The following TLL2 variants were observed in gnomAD, a reference collection of about 807,000 sequenced individuals.
The protein encoded by TLL2 is tolloid like 2, also known as tolloid-like protein 2.
Under a neutral mutation model 123.0 loss-of-function variants are expected in TLL2, and 106 were observed. The observed-to-expected ratio is 0.86, with a 90% confidence interval of 0.74 to 1.01. TLL2 has a LOEUF of 1.01. TLL2 is among the 50% of genes least tolerant of loss of function. TLL2 has a pLI of 0.00. For synonymous variants in TLL2, 494 were observed against 516.8 expected, an observed-to-expected ratio of 0.96 and a Z score of 0.60; for missense variants, 1,332 against 1,336.7, an observed-to-expected ratio of 1.00 and a Z score of 0.06.
At chr10:96,454,038 T>C (rs563371199) in intron 2 of TLL2, among the ~76,000 whole-genome samples, 200 of 122,176 alleles carry the variant, frequency 1.6e-3, no homozygotes, top group African/African-American at 4.1e-3. Context: ...CACACACACA[T>C]ATACACACAG....
chr10:96,395,134 G>A (rs1035118339), intron 13 of TLL2, 53 bp downstream of exon 13: 1 of 1,526,904 alleles, frequency 6.5e-7, no homozygotes, highest in African/African-American at 1.4e-5. Context: ...TAGGCCAGGG[G>A]GAGCAATATT....
At chr10:96,438,412 A>G (rs142839720) in intron 3 of TLL2, among the ~76,000 whole-genome samples, 1,540 of 152,276 alleles carry the variant, frequency 0.01, 12 homozygotes, top group Non-Finnish European at 0.016. Context: ...TGGTTTCTGT[A>G]TGTTCATTGT....
At chr10:96,478,543 C>T (rs911614144) in intron 2 of TLL2, among the ~76,000 whole-genome samples, 1 of 152,236 alleles carries the variant, frequency 6.6e-6, no homozygotes, top group African/African-American at 2.4e-5. Flanking sequence ...AGAATGACTG[C>T]AGCAGCTTTA....
chr10:96,481,147 AT>A (rs34296985), intron 1 of TLL2, among the ~76,000 whole-genome samples: 55,176 of 133,374 alleles, frequency 0.41, 10,282 homozygotes, highest in Middle Eastern at 0.55. Context: ...TGGGGGATGG[AT>A]TTTTTTTTTT....
chr10:96,502,099 T>G (rs1371218823), intron 1 of TLL2, among the ~76,000 whole-genome samples: 1 of 152,086 alleles, frequency 6.6e-6, no homozygotes, highest in Non-Finnish European at 1.5e-5. Flanking sequence ...AAATGACATG[T>G]AAGCTGAGTC....
At chr10:96,453,375 G>C (rs1341530364) in intron 2 of TLL2, among the ~76,000 whole-genome samples, 1 of 152,146 alleles carries the variant, frequency 6.6e-6, no homozygotes, top group African/African-American at 2.4e-5. Context: ...AGAAACATTT[G>C]AGCCCAGGAG....
Position 96,513,624 on chromosome 10 carries a change from CGAGGCA to C in TLL2, c.56_61del (p.Leu19_Pro20del). ...GCGCTCCCCGAGTCCCCCGGCGCCG[CGAGGCA>C]GCGGCAGCAGCAGCAGCAGTGACAC... On this transcript the variant is annotated inframe_deletion, in exon 1 of 21. Coordinates refer to ENST00000357947, the MANE Select transcript of TLL2 (RefSeq NM_012465.4). The C allele has an allele frequency of 6.2e-7, 1 of 1,600,414 alleles. No homozygotes were observed. The highest frequency in any genetic ancestry group is 8.5e-7 in the Non-Finnish European group (1 of 1,178,042).
Position 96,394,732 on chromosome 10 carries a change from A to G in TLL2, c.1726+455T>C, listed in dbSNP as rs565550872. 2.0e-4 allele frequency among the ~76,000 whole-genome samples: 30 copies of G among 152,194 alleles called. 1 individual carries two copies. The highest frequency in any genetic ancestry group is 4.1e-4 in the Non-Finnish European group (28 of 68,024). Reference sequence around the variant, plus strand: ...GACTGAATTAGATCCCCGATCTGCCACTTAACTACCTGCATGATCCTGAGA... The same window carrying G: ...GACTGAATTAGATCCCCGATCTGCCGCTTAACTACCTGCATGATCCTGAGA... On this transcript the variant is annotated intron_variant, in intron 13 of 20. Transcript: ENST00000357947.
At chr10:96,377,496 T>C (rs1020032445) in intron 17 of TLL2, among the ~76,000 whole-genome samples, 1 of 152,238 alleles carries the variant, frequency 6.6e-6, no homozygotes, top group Non-Finnish European at 1.5e-5. Context: ...GCATTTTCCA[T>C]GCATCCTCTC....
chr10:96,435,035 CTT>C (rs34593980), intron 3 of TLL2, among the ~76,000 whole-genome samples: 7 of 130,408 alleles, frequency 5.4e-5, no homozygotes, highest in Admixed American at 2.3e-4. Context: ...TTTTTTTTTT[CTT>C]TTTTTTTTTT....
rs1300003966 is a variant in TLL2 at position 96,384,696 on chromosome 10, G to A, written c.2085C>T (p.Cys695=). 1.9e-6 allele frequency: 3 copies of A among 1,612,586 alleles called. No individual in the cohort carries two copies. The highest frequency in any genetic ancestry group is 2.5e-6 in the Non-Finnish European group (3 of 1,179,000). ...SPDAKLHGRF[C]GSETPEVITS... ...TGATGACCTCCGGCGTCTCAGAGCC[G>A]CAGAACCTGCCGTGCAGCTTGGCGT... Residue 695 remains cysteine, a synonymous_variant, in exon 16 of 21, where the codon TGC becomes TGT. Transcript: ENST00000357947.
chr10:96,456,892 T>G (rs1847021781), intron 2 of TLL2, among the ~76,000 whole-genome samples: 1 of 152,152 alleles, frequency 6.6e-6, no homozygotes, highest in African/African-American at 2.4e-5. Flanking sequence ...GGGAGCTTGC[T>G]GGAGGCAGCA....
At chr10:96,370,371 G>A in intron 19 of TLL2, 56 bp from the exon 20 acceptor site, 1 of 1,495,694 alleles carries the variant, frequency 6.7e-7, no homozygotes, top group Admixed American at 2.2e-5. Context: ...CGTGCCTCCC[G>A]CCTGCGTCTG....
intron 4 of TLL2, among the ~76,000 whole-genome samples, chr10:96,431,972 C>G (rs1751526953): frequency 6.6e-6 from 1 of 151,936 alleles, no homozygotes; most frequent in South Asian, 2.1e-4. Flanking sequence ...GGGCACATGG[C>G]TGGTGAGGCC....
At chr10:96,440,733 A>G (rs1846843435) in intron 3 of TLL2, among the ~76,000 whole-genome samples, 1 of 152,228 alleles carries the variant, frequency 6.6e-6, no homozygotes, top group Non-Finnish European at 1.5e-5. Flanking sequence ...GAAAGAAGCT[A>G]GGGTGTAATT....
intron 7 of TLL2, among the ~76,000 whole-genome samples, chr10:96,414,144 G>A (rs1846532714): frequency 6.6e-6 from 1 of 152,158 alleles, no homozygotes; most frequent in Admixed American, 6.5e-5. Flanking sequence ...CATCCCGCCT[G>A]CTGCCTTGTC....
At position 96,436,823 on chromosome 10, in the gene TLL2, C is replaced by T. The variant is rs143656357; in HGVS notation, c.365-3861G>A. Among the ~76,000 whole-genome samples the T allele has an allele frequency of 8.1e-3, 1,236 of 151,976 alleles. 17 individuals are homozygous for T. Among genetic ancestry groups the T allele is most frequent in the African/African-American group, 0.026 (1,097 of 41,424 alleles). On this transcript the variant is annotated intron_variant, in intron 3 of 20. Coordinates refer to ENST00000357947, the MANE Select transcript of TLL2 (RefSeq NM_012465.4). ...CCCTCACCCTCCCAAGTAGCTGGGA[C>T]CACAGGCATATGCCACCACCCCCGG... is the stretch of plus-strand genomic sequence containing the variant.
Position 96,508,830 on chromosome 10 carries a change from G to A in TLL2, c.175+4681C>T, listed in dbSNP as rs145617206. ...CAAGTCATCTTTTCCAAAACTGGCC[G>A]CAATGACATCTCTCATTTCATGTGC... On this transcript the variant is annotated intron_variant, in intron 1 of 20. Coordinates refer to ENST00000357947, the MANE Select transcript of TLL2 (RefSeq NM_012465.4). Among the ~76,000 whole-genome samples the A allele has an allele frequency of 2.1e-4, 32 of 152,100 alleles. No individual in the cohort carries two copies. The East Asian group carries it at 5.0e-3, about 24-fold the overall frequency.
chr10:96,497,577 T>C (rs1847489567), intron 1 of TLL2, among the ~76,000 whole-genome samples: 1 of 152,196 alleles, frequency 6.6e-6, no homozygotes, highest in Admixed American at 6.5e-5. Flanking sequence ...TGCTAGATGC[T>C]ACAGGTCTAG....
Sources: allele counts gnomAD v4.1 joint callset (sites outside exome capture counted in the v4.1 genomes callset), GRCh38; gene constraint gnomAD v4.1.1; transcripts MANE v1.5; gene names NCBI Gene and HGNC (gene_info 2026-07-23, HGNC 2026-07-21).